MAP4: variants seen among roughly 807,000 people sequenced by gnomAD.
MAP4 encodes microtubule-associated protein 4.
A neutral mutation model predicts 170.2 loss-of-function variants in MAP4; 76 were observed. That is an observed-to-expected ratio of 0.45 (90% CI 0.37 to 0.54). The LOEUF is 0.54. Among genes scored for constraint, MAP4 ranks in the 20% least tolerant of loss-of-function variants. The probability of loss-of-function intolerance (pLI) is 0.00; values close to 1 mark genes in which losing one functional copy is unlikely to be tolerated. For missense variants in MAP4, 2,506 were observed against 2,748.0 expected (o/e 0.91, Z 1.97); for synonymous variants, 909 against 994.5 (o/e 0.91, Z 1.62).
rs554273799 is a variant in MAP4, at chr3:47,857,568, AC to A, written c.6502-57del. The A allele has an allele frequency of 4.0e-3, 4,587 of 1,132,716 alleles. 38 individuals are homozygous for A. Among genetic ancestry groups the A allele is most frequent in the East Asian group, 0.013 (572 of 42,510 alleles). 70.2% of individuals were successfully genotyped at this position (1,132,716 alleles called of 1,614,324 possible). On this transcript the variant is annotated intron_variant, in intron 17 of 20. Transcript: ENST00000683076. ...GAGAGAAGGTATACTGTCAGAGCCA[AC>A]CCCATGCTACCTTTTAAATCTTCTC...
intron 5 of MAP4, 109 bp downstream of exon 5, chr3:47,921,656 T>A (rs1364645720): frequency 1.5e-6 from 1 of 646,816 alleles, no homozygotes; most frequent in Non-Finnish European, 2.8e-6. Context: ...TTTGGTCTCT[T>A]TTTTCTTGTT....
At position 47,910,069 on chromosome 3, in the gene MAP4, A is replaced by G; in HGVS notation, c.4352T>C (p.Val1451Ala). Residue 1451 changes from valine to alanine, a missense_variant, in exon 9 of 21, where the codon GTA (valine) becomes GCA (alanine). Physicochemically the swap from Val to Ala is moderately conservative, Grantham distance 64 (BLOSUM62 0). Transcript: ENST00000683076. ...ATCTGGAAAGGAATCACCTTCCTTT[A>G]CTACTTGAGGAGTAGGAGTGGGCAG... is the stretch of plus-strand genomic sequence containing the variant. ...EKLPTPTPQV[V>A]KEGDSFPDTL... is the part of the protein sequence containing the mutation. 6.2e-7 allele frequency: 1 copy of G among 1,614,008 alleles called. No homozygotes were observed.
intron 3 of MAP4, among the ~76,000 whole-genome samples, chr3:47,959,594 A>C (rs2100070194): frequency 1.3e-5 from 2 of 151,836 alleles, no homozygotes; most frequent in Non-Finnish European, 2.9e-5. Flanking sequence ...GTCTCTACTA[A>C]AAATACAAAA....
intron 10 of MAP4, chr3:47,891,059 G>C: frequency 6.6e-7 from 1 of 1,509,530 alleles, no homozygotes; most frequent in Non-Finnish European, 8.8e-7. Context: ...GAACGATGGA[G>C]TGCTCTGGGT....
rs1292964218 is a variant in MAP4, at chr3:47,969,080, G to GA, written c.292+8784_292+8785insT. ...GGAAAATTCCAAAACTAACATCTGT[G>GA]GCTATCTCTATAGTTTCTAACAATG... On this transcript the variant is annotated intron_variant, in intron 3 of 20. Coordinates refer to ENST00000683076, the MANE Select transcript of MAP4 (RefSeq NM_001385682.1). 5.9e-5 allele frequency among the ~76,000 whole-genome samples: 9 copies of GA among 152,182 alleles called. No individual in the cohort carries two copies. In the East Asian group the frequency reaches 1.7e-3, roughly 29 times the overall value.
chr3:47,931,333 A>ACAGTAGTGCAG, intron 3 of MAP4, among the ~76,000 whole-genome samples: 1 of 152,292 alleles, frequency 6.6e-6, no homozygotes, highest in East Asian at 1.9e-4. Flanking sequence ...GTCACCTGTG[A>ACAGTAGTGCAG]TCACACTACT....
At chr3:48,082,589 GCCAGGAGTTCAAGA>G (rs768745444) in intron 1 of MAP4, among the ~76,000 whole-genome samples, 194 of 152,226 alleles carry the variant, frequency 1.3e-3, no homozygotes, top group East Asian at 6.6e-3. Flanking sequence ...ACTGCATGAG[GCCAGGAGTTCAAGA>G]CCAGCCTGGG....
intron 3 of MAP4, among the ~76,000 whole-genome samples, chr3:47,949,859 G>A (rs1252677328): frequency 6.7e-6 from 1 of 148,552 alleles, no homozygotes; most frequent in African/African-American, 2.6e-5. Context: ...GACACCCAGC[G>A]GTGCTCACCC....
chr3:47,873,082 C>G (rs543515924), intron 12 of MAP4, among the ~76,000 whole-genome samples: 8 of 152,132 alleles, frequency 5.3e-5, no homozygotes, highest in Admixed American at 1.3e-4. Context: ...GAAGGACCAG[C>G]TTTGATAATA....
chr3:47,996,771 C>G (rs1347677873), intron 2 of MAP4, among the ~76,000 whole-genome samples: 1 of 142,172 alleles, frequency 7.0e-6, no homozygotes, highest in Admixed American at 7.1e-5. Flanking sequence ...CACACACACA[C>G]AGAGCAATCA....
At chr3:47,973,332 G>A (rs886209048) in intron 3 of MAP4, 1 of 984,954 alleles carries the variant, frequency 1.0e-6, no homozygotes, top group Non-Finnish European at 1.2e-6. Flanking sequence ...AAGCAGCCCT[G>A]ACCAGTCTGG....
chr3:47,975,234 G>C (rs1187792087), intron 3 of MAP4: 1 of 1,299,000 alleles, frequency 7.7e-7, no homozygotes, highest in Admixed American at 3.3e-5. Context: ...TGTTCACAAA[G>C]GGAAATGAGG....
At chr3:47,898,187 G>A (rs906383198) in intron 10 of MAP4, among the ~76,000 whole-genome samples, 7 of 152,068 alleles carry the variant, frequency 4.6e-5, no homozygotes, top group Admixed American at 1.3e-4. Context: ...TACAGAGGGG[G>A]AAGGGACAGA....
At position 48,026,057 on chromosome 3, in the gene MAP4, C is replaced by G. The variant is rs554311117; in HGVS notation, c.-19-27178G>C. Among the ~76,000 whole-genome samples the G allele has an allele frequency of 2.6e-5, 4 of 152,118 alleles. No individual in the cohort carries two copies. In the South Asian group the frequency reaches 8.3e-4, roughly 32 times the overall value. On this transcript the variant is annotated intron_variant, in intron 1 of 18. Coordinates refer to the MAP4 transcript ENST00000360240. The stretch of plus-strand genomic sequence containing the variant: ...AATATACTCTTCTCCTGTGTCCTTA[C>G]TGCTTTGTATTACCTTACAAAGAAA...
At position 47,911,680 on chromosome 3, in the gene MAP4, T is replaced by A. The variant is rs1559426415; in HGVS notation, c.2741A>T (p.Asp914Val). The A allele has an allele frequency of 6.5e-7, 1 of 1,536,128 alleles. No homozygotes were observed. Among genetic ancestry groups the A allele is most frequent in the South Asian group, 1.2e-5 (1 of 84,056 alleles). The part of the protein sequence containing the change: ...QPAPHLKTPV[D>V]KSQSVGPLNL... The stretch of plus-strand genomic sequence containing the variant: ...GAGAGGGCCTACTGACTGGCTTTTA[T>A]CTACAGGAGTCTTCAGGTGGGGTGC... Residue 914 changes from aspartate to valine, a missense_variant, in exon 9 of 21, where the codon GAT becomes GTT. Transcript: ENST00000683076. The surrounding 1 kb of genome is among the most constrained non-coding windows in gnomAD (Gnocchi z 4.0).
chr3:47,923,246 T>C (rs1430187404), intron 4 of MAP4, among the ~76,000 whole-genome samples: 1 of 151,968 alleles, frequency 6.6e-6, no homozygotes, highest in African/African-American at 2.4e-5. Context: ...GACACTTCAA[T>C]TGTCAGAGAC....
chr3:47,970,622 C>T (rs1187079855), intron 3 of MAP4, among the ~76,000 whole-genome samples: 2 of 151,676 alleles, frequency 1.3e-5, no homozygotes, highest in Admixed American at 1.3e-4. Context: ...CCAGCCTGGC[C>T]AACATGGTGA....
intron 2 of MAP4, among the ~76,000 whole-genome samples, chr3:47,980,098 G>A (rs895794678): frequency 8.5e-5 from 13 of 152,156 alleles, no homozygotes; most frequent in Admixed American, 6.5e-5. Context: ...CTCCCAAAGT[G>A]TTGGTATTAC....
Position 47,916,518 on chromosome 3 carries a change from C to A in MAP4, c.1309G>T (p.Ala437Ser), listed in dbSNP as rs1174206075. 2 of 1,613,990 alleles carry A rather than the reference C, an allele frequency of 1.2e-6. No homozygotes were observed. The highest frequency in any genetic ancestry group is 1.7e-6 in the Non-Finnish European group (2 of 1,179,966). ...STEISSAEKV[A>S]LSSETEVALA... ...GCTACCTCTGTTTCTGAGGACAAAG[C>A]CACCTTCTCAGCAGAGGATATTTCT... Residue 437 changes from alanine (A) to serine (S), a missense_variant, in exon 7 of 21, where the codon GCT (alanine) becomes TCT (serine). This residue lies in a region of MAP4 where 2,008 missense variants were observed against 2,206.0 expected (regional missense o/e 0.91). Coordinates refer to ENST00000683076, the MANE Select transcript of MAP4 (RefSeq NM_001385682.1).
Sources: gnomAD v4.1 joint callset for allele counts (sites outside exome capture counted in the v4.1 genomes callset) on GRCh38, gnomAD v4.1.1 for gene constraint, gnomAD v4.1.1 regional missense constraint, Gnocchi (gnomAD v3.1) non-coding constraint, MANE v1.5 for transcripts, NCBI Gene and HGNC (gene_info 2026-07-23, HGNC 2026-07-21) for gene names.